Variants in ADARB2 observed in about 807,000 individuals in gnomAD.
ADARB2 encodes the protein adenosine deaminase RNA specific B2 (inactive).
ADARB2 carries 25 observed loss-of-function variants against 62.2 expected under a neutral mutation model. The ratio of observed to expected loss-of-function variants is 0.40; its 90% CI spans 0.29 to 0.56. The LOEUF (loss-of-function observed/expected upper bound fraction) is 0.56, where lower values mean the gene tolerates loss of function less well. Ranked by LOEUF, ADARB2 falls within the 20% of genes least tolerant of loss-of-function variation. The probability of loss-of-function intolerance (pLI) is 0.43; values close to 1 mark genes in which losing one functional copy is unlikely to be tolerated. For missense variants in ADARB2, 1,071 were observed against 1,077.4 expected (o/e 0.99, Z 0.08); for synonymous variants, 572 against 500.8 (o/e 1.14, Z -1.90).
chr10:1,517,720 C>A (rs938655528), intron 1 of ADARB2, among the ~76,000 whole-genome samples: 4 of 152,134 alleles, frequency 2.6e-5, no homozygotes, highest in African/African-American at 7.2e-5. Flanking sequence ...CTGTGAGAGT[C>A]CATTTTCATG....
At chr10:1,254,691 T>C (rs1831065190) in intron 4 of ADARB2, among the ~76,000 whole-genome samples, 1 of 152,230 alleles carries the variant, frequency 6.6e-6, no homozygotes. Context: ...TGTGATGTCA[T>C]TGGATGCAGT....
At chr10:1,484,541 A>C (rs1197462504) in intron 1 of ADARB2, among the ~76,000 whole-genome samples, 1 of 152,252 alleles carries the variant, frequency 6.6e-6, no homozygotes, top group Non-Finnish European at 1.5e-5. Flanking sequence ...AATGGGAAGA[A>C]GCTTAAGCCA....
Position 1,182,997 on chromosome 10 carries a change from T to A in ADARB2, c.*196A>T. On this transcript the variant is annotated 3_prime_UTR_variant, in exon 10 of 10. Transcript: ENST00000381312. ...GTGCCCCTGGGTGTGGGGGACAGGG[T>A]TCTGGGGCCAGCGATCTGGAAAGAG... 1 of 635,070 alleles carries A rather than the reference T, an allele frequency of 1.6e-6. No individual in the cohort carries two copies. The highest frequency in any genetic ancestry group is 2.7e-6 in the Non-Finnish European group (1 of 373,798). 39.3% of individuals were successfully genotyped at this position (635,070 alleles called of 1,614,324 possible).
At chr10:1,632,356 G>A (rs920338015) in intron 1 of ADARB2, among the ~76,000 whole-genome samples, 12 of 151,680 alleles carry the variant, frequency 7.9e-5, no homozygotes, top group Non-Finnish European at 1.8e-4. Flanking sequence ...CACAGTACAC[G>A]TATACTCACA....
intron 4 of ADARB2, among the ~76,000 whole-genome samples, chr10:1,266,505 G>T (rs910811262): frequency 3.1e-4 from 32 of 102,356 alleles, no homozygotes; most frequent in Non-Finnish European, 6.2e-4. Context: ...GCGCTGTGGT[G>T]GGGGGTGGGG....
chr10:1,637,594 A>G (rs1588333395), intron 1 of ADARB2, among the ~76,000 whole-genome samples: 1 of 152,370 alleles, frequency 6.6e-6, no homozygotes, highest in African/African-American at 2.4e-5. Flanking sequence ...CCATGGCAAC[A>G]TGTAGGGAAA....
At chr10:1,673,546 C>T (rs929979990) in intron 1 of ADARB2, among the ~76,000 whole-genome samples, 2 of 152,190 alleles carry the variant, frequency 1.3e-5, no homozygotes, top group Non-Finnish European at 1.5e-5. Flanking sequence ...CAAAGAAACA[C>T]GTCGCTTAGA....
intron 3 of ADARB2, among the ~76,000 whole-genome samples, chr10:1,293,918 A>C (rs779593930): frequency 5.3e-5 from 8 of 151,886 alleles, no homozygotes; most frequent in Admixed American, 2.6e-4. Flanking sequence ...CGGCAGGGCA[A>C]TGTCTTTCTC....
At chr10:1,240,502 G>T (rs539681423) in intron 5 of ADARB2, 3 of 152,572 alleles carry the variant, frequency 2.0e-5, no homozygotes, top group South Asian at 2.1e-4. Context: ...GGAAGTCCTT[G>T]CGGCATCCAG....
chr10:1,252,961 T>G (rs1831049242), intron 4 of ADARB2, among the ~76,000 whole-genome samples: 1 of 152,198 alleles, frequency 6.6e-6, no homozygotes, highest in South Asian at 2.1e-4. Context: ...GTGTAAATGT[T>G]TTGTGCTCTC....
chr10:1,203,020 G>A (rs1837007937), intron 7 of ADARB2, among the ~76,000 whole-genome samples: 1 of 152,150 alleles, frequency 6.6e-6, no homozygotes. Flanking sequence ...AACTTACTCT[G>A]CTAAGATGAT....
At chr10:1,536,059 A>G (rs898233472) in intron 1 of ADARB2, among the ~76,000 whole-genome samples, 2 of 152,180 alleles carry the variant, frequency 1.3e-5, no homozygotes, top group African/African-American at 2.4e-5. Context: ...GGCCCCAGAA[A>G]CATGGGCAGC....
chr10:1,601,506 C>A (rs938478782), intron 1 of ADARB2, among the ~76,000 whole-genome samples: 1 of 152,346 alleles, frequency 6.6e-6, no homozygotes, highest in East Asian at 1.9e-4. Flanking sequence ...AAAATAAACA[C>A]CGATCTTAGC....
intron 6 of ADARB2, among the ~76,000 whole-genome samples, chr10:1,219,578 G>C (rs1161625976): frequency 2.6e-5 from 4 of 152,210 alleles, no homozygotes; most frequent in Non-Finnish European, 5.9e-5. Flanking sequence ...GAGAGGTATT[G>C]AGCCTGGGCA....
In ADARB2 at chr10:1,184,860, C is replaced by T. The variant is rs769219184; in HGVS notation, c.2043+1G>A. On this transcript the variant is annotated splice_donor_variant, in intron 9 of 9. Coordinates refer to ENST00000381312, the MANE Select transcript of ADARB2 (RefSeq NM_018702.4). LOFTEE classifies it high-confidence loss of function. The stretch of plus-strand genomic sequence containing the variant: ...TCCCTGCAAGGATGGGTGCGACCTA[C>T]CCTGCCATACAGCCGCGCCCACCGT... 1.9e-6 allele frequency: 3 copies of T among 1,611,928 alleles called. No homozygotes were observed. The highest frequency in any genetic ancestry group is 2.5e-6 in the Non-Finnish European group (3 of 1,178,982).
chr10:1,698,676 G>A (rs1456821509), intron 1 of ADARB2, among the ~76,000 whole-genome samples: 4 of 152,206 alleles, frequency 2.6e-5, no homozygotes, highest in Non-Finnish European at 5.9e-5. Context: ...GTTAAAGGTG[G>A]AGCAGAACAT....
At chr10:1,202,945 C>G (rs142405315) in intron 7 of ADARB2, among the ~76,000 whole-genome samples, 171 of 152,298 alleles carry the variant, frequency 1.1e-3, no homozygotes, top group South Asian at 8.1e-3. Context: ...CTATCTGGTT[C>G]CTACCTAATA....
intron 1 of ADARB2, among the ~76,000 whole-genome samples, chr10:1,504,102 C>T (rs1831803250): frequency 6.6e-6 from 1 of 152,168 alleles, no homozygotes; most frequent in Admixed American, 6.5e-5. Context: ...GCACAAATGA[C>T]ATGGAAGTGG....
chr10:1,673,312 T>TTGTGTG (rs1373662397), intron 1 of ADARB2, among the ~76,000 whole-genome samples: 6 of 72,224 alleles, frequency 8.3e-5, no homozygotes, highest in African/African-American at 2.5e-4. Flanking sequence ...AGATTTCATT[T>TTGTGTG]TATGTGTGTG....
Sources: allele counts gnomAD v4.1 joint callset (sites outside exome capture counted in the v4.1 genomes callset), GRCh38; gene constraint gnomAD v4.1.1; transcripts MANE v1.5; gene names NCBI Gene and HGNC (gene_info 2026-07-23, HGNC 2026-07-21).